RABGAP1L: variants seen among roughly 807,000 people sequenced by gnomAD.
The protein encoded by RABGAP1L is RAB GTPase activating protein 1 like.
RABGAP1L carries 63 observed loss-of-function variants against 137.7 expected under a neutral mutation model. That is an observed-to-expected ratio of 0.46 (90% CI 0.37 to 0.56). RABGAP1L has a LOEUF of 0.56. Ranked by LOEUF, RABGAP1L falls within the 20% of genes least tolerant of loss-of-function variation. RABGAP1L has a pLI of 0.00. For missense variants in RABGAP1L, 1,095 were observed against 1,244.0 expected, an observed-to-expected ratio of 0.88 and a Z score of 1.80; for synonymous variants, 431 against 433.7, an observed-to-expected ratio of 0.99 and a Z score of 0.08.
chr1:174,573,297 GTA>G (rs958909554), intron 13 of RABGAP1L, among the ~76,000 whole-genome samples: 5 of 149,386 alleles, frequency 3.3e-5, no homozygotes, highest in Admixed American at 1.3e-4. Flanking sequence ...ATGTATGTGT[GTA>G]TATATATATA....
intron 8 of RABGAP1L, among the ~76,000 whole-genome samples, chr1:174,274,606 C>CTGTGTGTGTG (rs61468070): frequency 0.019 from 2,803 of 146,136 alleles, 27 homozygotes; most frequent in African/African-American, 0.029. Flanking sequence ...ACAGGTGACT[C>CTGTGTGTGTG]TGTGTGTGTG....
At chr1:174,312,449 A>G (rs2148799313) in intron 11 of RABGAP1L, among the ~76,000 whole-genome samples, 1 of 151,822 alleles carries the variant, frequency 6.6e-6, no homozygotes, top group East Asian at 1.9e-4. Flanking sequence ...AGATTATTCG[A>G]TTTTTTTCCT....
chr1:174,250,504 A>G lies in RABGAP1L; in HGVS notation c.747A>G (p.Thr249=). Residue 249 remains threonine, a synonymous_variant, in exon 6 of 26, where the codon ACA becomes ACG. Transcript: ENST00000681986. ...GCAGAATTTTGTACAGTTTCTGTACAGCATTCAAACGTTCTTCCAGACAAG... is the reference window on the plus strand; with the variant it reads ...GCAGAATTTTGTACAGTTTCTGTACGGCATTCAAACGTTCTTCCAGACAAG... ...AVSRILYSFC[T]AFKRSSRQVS... 1 of 1,613,404 alleles carries G rather than the reference A, an allele frequency of 6.2e-7. No individual in the cohort carries two copies. The highest frequency in any genetic ancestry group is 8.5e-7 in the Non-Finnish European group (1 of 1,179,560).
At chr1:174,704,099 G>T (rs1186332339) in intron 17 of RABGAP1L, among the ~76,000 whole-genome samples, 1 of 152,208 alleles carries the variant, frequency 6.6e-6, no homozygotes, top group Non-Finnish European at 1.5e-5. Context: ...CCGGGTTCAA[G>T]CAATTCTCCT....
chr1:174,636,317 G>A (rs1446718140), intron 13 of RABGAP1L, among the ~76,000 whole-genome samples: 4 of 152,032 alleles, frequency 2.6e-5, no homozygotes, highest in Non-Finnish European at 5.9e-5. Context: ...AGGAGTTTGA[G>A]ACCAGCCTGT....
chr1:174,965,371 T>G (rs1316803896), intron 20 of RABGAP1L, among the ~76,000 whole-genome samples: 1 of 152,328 alleles, frequency 6.6e-6, no homozygotes, highest in East Asian at 1.9e-4. Context: ...GGGCTGACTT[T>G]AAGTCTGTCT....
intron 13 of RABGAP1L, among the ~76,000 whole-genome samples, chr1:174,546,510 G>A (rs116305237): frequency 6.6e-6 from 1 of 152,152 alleles, no homozygotes; most frequent in East Asian, 1.9e-4. Context: ...ATAACACCCA[G>A]TTCTGTACAT....
chr1:174,161,913 G>A (rs1403408651), intron 1 of RABGAP1L, among the ~76,000 whole-genome samples: 1 of 152,016 alleles, frequency 6.6e-6, no homozygotes, highest in Non-Finnish European at 1.5e-5. Flanking sequence ...TTTTATTTTT[G>A]TAGAGTCAAG....
At chr1:174,744,090 T>TAAAAAAAAAAAAAA (rs10694829) in intron 17 of RABGAP1L, among the ~76,000 whole-genome samples, 2 of 45,128 alleles carry the variant, frequency 4.4e-5, no homozygotes, top group African/African-American at 1.8e-4. Context: ...GTGAAATACG[T>TAAAAAAAAAAAAAA]AAAAAAAAAA....
intron 19 of RABGAP1L, chr1:174,945,692 T>C (rs757462976): frequency 8.5e-5 from 13 of 152,166 alleles, no homozygotes; most frequent in Non-Finnish European, 1.8e-4. Flanking sequence ...CCAGCATTAT[T>C]TGTACAAATC....
chr1:174,782,239 C>T (rs1687070387), intron 18 of RABGAP1L, among the ~76,000 whole-genome samples: 1 of 152,136 alleles, frequency 6.6e-6, no homozygotes, highest in South Asian at 2.1e-4. Context: ...TCTTTTATTT[C>T]ATTGAGCAGT....
chr1:174,229,672 G>A (rs1670471656), intron 3 of RABGAP1L, among the ~76,000 whole-genome samples: 1 of 152,182 alleles, frequency 6.6e-6, no homozygotes. Flanking sequence ...AGAGGAAAAA[G>A]TCATTTGGGT....
chr1:174,319,370 G>T (rs370229695), intron 11 of RABGAP1L, among the ~76,000 whole-genome samples: 2 of 152,072 alleles, frequency 1.3e-5, no homozygotes, highest in African/African-American at 4.8e-5. Flanking sequence ...TTGACGTCTT[G>T]TATATTGACT....
At chr1:174,676,020 C>T (rs74580192) in intron 14 of RABGAP1L, among the ~76,000 whole-genome samples, 2 of 151,910 alleles carry the variant, frequency 1.3e-5, no homozygotes, top group East Asian at 3.9e-4. Flanking sequence ...AGCTTTGAAG[C>T]AGGTACTTAC....
At chr1:174,917,522 T>C (rs1017872237) in intron 19 of RABGAP1L, among the ~76,000 whole-genome samples, 2 of 152,226 alleles carry the variant, frequency 1.3e-5, no homozygotes, top group Non-Finnish European at 2.9e-5. Flanking sequence ...ACTTTATAAA[T>C]GTTATTTCTA....
chr1:174,417,165 T>C (rs937440892), intron 13 of RABGAP1L, among the ~76,000 whole-genome samples: 14 of 152,298 alleles, frequency 9.2e-5, no homozygotes, highest in Middle Eastern at 3.4e-3. Context: ...TTTTAACTTA[T>C]TCTTCTTATA....
chr1:174,957,603 G>C, intron 20 of RABGAP1L, 54 bp downstream of exon 20: 1 of 1,460,620 alleles, frequency 6.8e-7, no homozygotes, highest in Non-Finnish European at 9.5e-7. Context: ...TTTTAAATGA[G>C]ACTGAGTCTT....
At chr1:174,855,739 A>G (rs1347901656) in intron 19 of RABGAP1L, among the ~76,000 whole-genome samples, 1 of 152,228 alleles carries the variant, frequency 6.6e-6, no homozygotes, top group Admixed American at 6.5e-5. Context: ...AGAAATTTTG[A>G]AATGGATTTA....
At chr1:174,596,107 G>T (rs1215367815) in intron 13 of RABGAP1L, among the ~76,000 whole-genome samples, 1 of 131,512 alleles carries the variant, frequency 7.6e-6, no homozygotes, top group South Asian at 2.6e-4. Context: ...GGGTGGGAGT[G>T]ACCCGATTTT....
Sources: gnomAD v4.1 joint callset for allele counts (sites outside exome capture counted in the v4.1 genomes callset) on GRCh38, gnomAD v4.1.1 for gene constraint, MANE v1.5 for transcripts, NCBI Gene and HGNC (gene_info 2026-07-23, HGNC 2026-07-21) for gene names.